The following ABCA10 variants were observed in gnomAD, a reference collection of about 807,000 sequenced individuals.
ABCA10 encodes the protein ATP binding cassette subfamily A member 10.
Under a neutral mutation model 187.5 loss-of-function variants are expected in ABCA10, and 169 were observed. The ratio of observed to expected loss-of-function variants is 0.90; its 90% CI spans 0.80 to 1.02. The LOEUF (loss-of-function observed/expected upper bound fraction) is 1.02. ABCA10 is among the 50% of genes least tolerant of loss of function. The probability of loss-of-function intolerance (pLI) is 0.00; values close to 1 mark genes in which losing one functional copy is unlikely to be tolerated. For synonymous variants in ABCA10, 574 were observed against 601.8 expected, an observed-to-expected ratio of 0.95 and a Z score of 0.68; for missense variants, 1,727 against 1,812.4, an observed-to-expected ratio of 0.95 and a Z score of 0.86.
chr17:69,165,354 A>G (rs1199460883), intron 25 of ABCA10, among the ~76,000 whole-genome samples: 1 of 152,324 alleles, frequency 6.6e-6, no homozygotes, highest in Non-Finnish European at 1.5e-5. Context: ...GTGATGTAAC[A>G]TTATTTATTT....
rs2074390399 is a variant in ABCA10, at chr17:69,182,779, GT to G, written c.2526del (p.Leu843Ter). 1 of 1,608,382 alleles carries G rather than the reference GT, an allele frequency of 6.2e-7. No individual in the cohort carries two copies. Among genetic ancestry groups the G allele is most frequent in the Non-Finnish European group, 8.5e-7 (1 of 1,177,538 alleles). On this transcript the variant is annotated frameshift_variant, in exon 21 of 39. Coordinates refer to ENST00000690296, the MANE Select transcript of ABCA10 (RefSeq NM_001377321.1). LOFTEE classifies it high-confidence loss of function. ...TCCAAAACTATATCCTGACACTTCAGTGAATGCACGAGGTCTTCAATATTTG... is the reference window on the plus strand; with the variant it reads ...TCCAAAACTATATCCTGACACTTCAGGAATGCACGAGGTCTTCAATATTTG... ...TGSNIEDLVH[S>X]LKCQDIVLEI...
intron 11 of ABCA10, among the ~76,000 whole-genome samples, chr17:69,195,737 T>C (rs1183010983): frequency 6.6e-6 from 1 of 151,788 alleles, no homozygotes; most frequent in Admixed American, 6.6e-5. Context: ...CCCTGGGTAC[T>C]TGAGATTAGG....
At position 69,196,053 on chromosome 17, in the gene ABCA10, C is replaced by T. The variant is rs554092762; in HGVS notation, c.1234+1011G>A. 5.5e-4 allele frequency among the ~76,000 whole-genome samples: 84 copies of T among 152,342 alleles called. 1 individual carries two copies. Among genetic ancestry groups the T allele is most frequent in the African/African-American group, 1.8e-3 (76 of 41,580 alleles). On this transcript the variant is annotated intron_variant, in intron 11 of 38. Transcript: ENST00000690296. Reference sequence around the variant, plus strand: ...CAAAACCGCCATCATCATCATGGCCCGTTCTCAATGAGCTGCTGGGTACAC... The same window carrying T: ...CAAAACCGCCATCATCATCATGGCCTGTTCTCAATGAGCTGCTGGGTACAC...
At chr17:69,191,735 GGATAT>G (rs781338780) in intron 16 of ABCA10, among the ~76,000 whole-genome samples, 17 of 152,060 alleles carry the variant, frequency 1.1e-4, no homozygotes, top group Admixed American at 7.9e-4. Flanking sequence ...AATCATGATA[GGATAT>G]AAGATACATG....
intron 1 of ABCA10, among the ~76,000 whole-genome samples, chr17:69,237,893 T>C (rs1444115839): frequency 6.6e-6 from 1 of 152,142 alleles, no homozygotes; most frequent in Non-Finnish European, 1.5e-5. Context: ...CCGGGCACAG[T>C]GGCTCACACC....
chr17:69,216,028 A>T, intron 7 of ABCA10, 28 bp from the exon 8 acceptor site: 1 of 1,586,478 alleles, frequency 6.3e-7, no homozygotes, highest in South Asian at 1.2e-5. Flanking sequence ...TCTGATTGGT[A>T]TATTTTTCCT....
intron 11 of ABCA10, chr17:69,196,396 TC>T (rs1414496656): frequency 5.8e-6 from 1 of 171,838 alleles, no homozygotes; most frequent in Non-Finnish European, 1.2e-5. Context: ...GCAGGGGCGC[TC>T]CTCACATCCC....
At chr17:69,216,394 A>C in intron 6 of ABCA10, 36 bp from the exon 7 acceptor site, 1 of 1,582,860 alleles carries the variant, frequency 6.3e-7, no homozygotes, top group Non-Finnish European at 8.6e-7. Flanking sequence ...CAACTGTCAC[A>C]AACATAAATG....
chr17:69,173,982 T>A (rs2074314872), intron 25 of ABCA10, among the ~76,000 whole-genome samples: 1 of 152,122 alleles, frequency 6.6e-6, no homozygotes, highest in African/African-American at 2.4e-5. Context: ...TGAAGAAATG[T>A]CCTGAATGAT....
chr17:69,152,298 T>A lies in ABCA10; in HGVS notation c.4256+64A>T, dbSNP rs573447146. ...GGAGCTGTAGAGCATCAGCTGTTCA[T>A]AGCAAACTGAAACTCTCTCTATAAG... On this transcript the variant is annotated intron_variant, in intron 35 of 38. Transcript: ENST00000690296. The A allele has an allele frequency of 8.3e-5, 131 of 1,583,398 alleles. No homozygotes were observed. In the African/African-American group the frequency reaches 1.7e-3, roughly 21 times the overall value.
At chr17:69,226,647 A>T (rs947422656) in intron 2 of ABCA10, among the ~76,000 whole-genome samples, 1 of 152,044 alleles carries the variant, frequency 6.6e-6, no homozygotes, top group Non-Finnish European at 1.5e-5. Context: ...CACGGCTTTG[A>T]AGAGATTCCA....
At chr17:69,208,641 G>T (rs2074611246) in intron 9 of ABCA10, among the ~76,000 whole-genome samples, 1 of 152,084 alleles carries the variant, frequency 6.6e-6, no homozygotes, top group African/African-American at 2.4e-5. Flanking sequence ...ATATTATAAA[G>T]GATAACGAAT....
chr17:69,189,468 T>C (rs567319745), intron 18 of ABCA10, among the ~76,000 whole-genome samples: 2 of 152,200 alleles, frequency 1.3e-5, no homozygotes, highest in South Asian at 4.1e-4. Context: ...CCATTCTGTA[T>C]GTTGTCTGTT....
intron 25 of ABCA10, among the ~76,000 whole-genome samples, chr17:69,167,679 A>C (rs2074263530): frequency 6.6e-6 from 1 of 152,120 alleles, no homozygotes; most frequent in African/African-American, 2.4e-5. Flanking sequence ...GATGTAGAAG[A>C]AGCAGTGCCA....
chr17:69,185,482 T>G lies in ABCA10; in HGVS notation c.2492A>C (p.Asn831Thr). ...ATTTCAGCCCCATTTCTCACCTGTA[T>G]TATTAACGATTAACAGGCTGGTAAG... ...TPLTSLLIVN[N>T]TGSNIEDLVH... is the part of the protein sequence containing the mutation. Residue 831 changes from asparagine to threonine, a missense_variant, in exon 20 of 39, where the codon AAT becomes ACT. Coordinates refer to ENST00000690296, the MANE Select transcript of ABCA10 (RefSeq NM_001377321.1). 6.2e-7 allele frequency: 1 copy of G among 1,612,190 alleles called. No individual in the cohort carries two copies. The highest frequency in any genetic ancestry group is 8.5e-7 in the Non-Finnish European group (1 of 1,179,006).
chr17:69,226,448 C>T (rs1250182923), intron 2 of ABCA10, among the ~76,000 whole-genome samples: 2 of 152,024 alleles, frequency 1.3e-5, no homozygotes, highest in Non-Finnish European at 2.9e-5. Flanking sequence ...TTAGCTCCCA[C>T]TGAAATGGTA....
At chr17:69,159,545 T>C (rs1039801095) in intron 27 of ABCA10, among the ~76,000 whole-genome samples, 1 of 151,958 alleles carries the variant, frequency 6.6e-6, no homozygotes, top group African/African-American at 2.4e-5. Flanking sequence ...AAACAGTAAG[T>C]GGGAGAGGAT....
intron 36 of ABCA10, among the ~76,000 whole-genome samples, chr17:69,151,099 T>C (rs1419635637): frequency 1.3e-5 from 2 of 152,228 alleles, no homozygotes; most frequent in Non-Finnish European, 2.9e-5. Flanking sequence ...CTTCCTTCTC[T>C]TGTGAGCCAC....
At chr17:69,150,131 G>A (rs552539721) in intron 36 of ABCA10, 68 bp from the exon 37 acceptor site, 2 of 1,163,214 alleles carry the variant, frequency 1.7e-6, no homozygotes, top group South Asian at 2.8e-5. Flanking sequence ...GAATTAATAG[G>A]CAAAGTAAAA....
Sources: allele counts gnomAD v4.1 joint callset (sites outside exome capture counted in the v4.1 genomes callset), GRCh38; gene constraint gnomAD v4.1.1; transcripts MANE v1.5; gene names NCBI Gene and HGNC (gene_info 2026-07-23, HGNC 2026-07-21).